CNTN5: variants seen among roughly 807,000 people sequenced by gnomAD.
CNTN5 encodes the protein contactin 5, also known as contactin-5.
A neutral mutation model predicts 129.1 loss-of-function variants in CNTN5; 77 were observed. The observed-to-expected ratio is 0.60, with a 90% CI of 0.50 to 0.72. The LOEUF (loss-of-function observed/expected upper bound fraction) is 0.72. CNTN5 is among the 30% of genes least tolerant of loss of function. The probability of loss-of-function intolerance (pLI) is 0.00; values close to 1 mark genes in which losing one functional copy is unlikely to be tolerated. For missense variants in CNTN5, 1,478 were observed against 1,328.8 expected (o/e 1.11, Z -1.75); for synonymous variants, 509 against 465.6 (o/e 1.09, Z -1.20).
At chr11:99,897,576 T>A (rs189274001) in intron 6 of CNTN5, among the ~76,000 whole-genome samples, 16 of 152,292 alleles carry the variant, frequency 1.1e-4, no homozygotes, top group African/African-American at 3.6e-4. Flanking sequence ...AGAAATACTC[T>A]TTCCCAGACA....
chr11:99,990,641 A>G (rs1050622625), intron 8 of CNTN5, among the ~76,000 whole-genome samples: 1 of 152,058 alleles, frequency 6.6e-6, no homozygotes, highest in African/African-American at 2.4e-5. Context: ...TTACATAGCA[A>G]TCACTCACCT....
intron 1 of CNTN5, among the ~76,000 whole-genome samples, chr11:99,047,049 G>C (rs1376726338): frequency 2.0e-5 from 3 of 151,860 alleles, no homozygotes; most frequent in African/African-American, 4.8e-5. Flanking sequence ...TAATTCTGCT[G>C]TGTCCATCTA....
chr11:100,201,584 C>G (rs1368909564), intron 15 of CNTN5, among the ~76,000 whole-genome samples: 2 of 151,872 alleles, frequency 1.3e-5, no homozygotes, highest in African/African-American at 4.8e-5. Flanking sequence ...GACTGCTGTT[C>G]ACATCTTGAT....
chr11:99,631,800 C>T (rs1300731700), intron 3 of CNTN5, among the ~76,000 whole-genome samples: 1 of 151,998 alleles, frequency 6.6e-6, no homozygotes, highest in South Asian at 2.1e-4. Context: ...AGTAGTCTCC[C>T]CTTATCAGCA....
At chr11:99,820,686 T>A (rs1946774473) in intron 4 of CNTN5, among the ~76,000 whole-genome samples, 1 of 151,844 alleles carries the variant, frequency 6.6e-6, no homozygotes, top group African/African-American at 2.4e-5. Flanking sequence ...ATATTGTTAC[T>A]GCCTTCTATA....
At chr11:99,152,612 C>A (rs1176691304) in intron 1 of CNTN5, among the ~76,000 whole-genome samples, 1 of 152,130 alleles carries the variant, frequency 6.6e-6, no homozygotes, top group African/African-American at 2.4e-5. Flanking sequence ...CTATTCTGTG[C>A]CTTTTAATTG....
chr11:99,791,445 A>G (rs930549900), intron 3 of CNTN5, among the ~76,000 whole-genome samples: 1 of 152,072 alleles, frequency 6.6e-6, no homozygotes, highest in African/African-American at 2.4e-5. Flanking sequence ...CAAAGAGCAG[A>G]TGGTTGCAGG....
chr11:99,526,546 T>G (rs1947494122), intron 2 of CNTN5, among the ~76,000 whole-genome samples: 1 of 152,200 alleles, frequency 6.6e-6, no homozygotes, highest in South Asian at 2.1e-4. Context: ...ATTGATAGTT[T>G]GGGGGCAAAT....
chr11:99,943,984 T>C (rs568882175), intron 7 of CNTN5, among the ~76,000 whole-genome samples: 3 of 152,252 alleles, frequency 2.0e-5, no homozygotes, highest in East Asian at 3.9e-4. Context: ...TCCAGCTTTG[T>C]TGTTTTTGCT....
chr11:99,860,610 G>A (rs1948174159), intron 6 of CNTN5, among the ~76,000 whole-genome samples: 1 of 152,046 alleles, frequency 6.6e-6, no homozygotes, highest in Admixed American at 6.6e-5. Flanking sequence ...AAGATCTGAT[G>A]GCTGTGGATG....
chr11:99,815,728 A>G (rs1946565943), intron 3 of CNTN5, among the ~76,000 whole-genome samples: 1 of 152,156 alleles, frequency 6.6e-6, no homozygotes, highest in African/African-American at 2.4e-5. Flanking sequence ...CTCCACACCT[A>G]ATCCACTTGA....
At chr11:100,338,250 G>A (rs188061577) in intron 21 of CNTN5, among the ~76,000 whole-genome samples, 3 of 152,020 alleles carry the variant, frequency 2.0e-5, no homozygotes, top group African/African-American at 7.3e-5. Context: ...TTAATATGTC[G>A]TGGTAGTTAA....
chr11:99,671,336 A>T (rs609318), intron 3 of CNTN5, among the ~76,000 whole-genome samples: 90,395 of 151,638 alleles, frequency 0.6, 28,247 homozygotes, highest in Non-Finnish European at 0.7. Context: ...TACGACAAAA[A>T]GAATAATTAG....
intron 4 of CNTN5, among the ~76,000 whole-genome samples, chr11:99,836,771 C>T (rs537876446): frequency 1.4e-4 from 22 of 152,236 alleles, no homozygotes; most frequent in South Asian, 6.2e-4. Flanking sequence ...AGTGTAAAAG[C>T]ATTCCTATTT....
At chr11:100,325,440 A>C (rs1269647421) in intron 21 of CNTN5, among the ~76,000 whole-genome samples, 2 of 152,168 alleles carry the variant, frequency 1.3e-5, no homozygotes, top group African/African-American at 4.8e-5. Flanking sequence ...GACAGTCCTC[A>C]CTGCAATCAC....
At chr11:99,769,515 TC>T (rs1344515849) in intron 3 of CNTN5, among the ~76,000 whole-genome samples, 1 of 152,116 alleles carries the variant, frequency 6.6e-6, no homozygotes, top group African/African-American at 2.4e-5. Context: ...GAATCATGAC[TC>T]CCCAAAATTC....
chr11:100,284,726 C>A (rs1310854165), intron 18 of CNTN5, among the ~76,000 whole-genome samples: 1 of 152,186 alleles, frequency 6.6e-6, no homozygotes, highest in African/African-American at 2.4e-5. Context: ...TCAGAAAGGT[C>A]TGATCTTCTC....
chr11:99,235,727 A>G (rs755989945), intron 1 of CNTN5, among the ~76,000 whole-genome samples: 2 of 152,144 alleles, frequency 1.3e-5, no homozygotes, highest in African/African-American at 4.8e-5. Context: ...TTGGAATTAT[A>G]TTCACTTAGT....
At chr11:100,040,259 C>T (rs555613431) in intron 9 of CNTN5, among the ~76,000 whole-genome samples, 3 of 152,162 alleles carry the variant, frequency 2.0e-5, no homozygotes, top group Non-Finnish European at 2.9e-5. Context: ...GCCTGGGTAT[C>T]AGCAGTGATG....
Sources: allele counts gnomAD v4.1 joint callset (sites outside exome capture counted in the v4.1 genomes callset), GRCh38; gene constraint gnomAD v4.1.1; transcripts MANE v1.5; gene names NCBI Gene and HGNC (gene_info 2026-07-23, HGNC 2026-07-21).